The following DIP2C variants were observed in gnomAD, a reference collection of about 807,000 sequenced individuals.
DIP2C encodes DIP2 acetate--CoA ligase C (putative), also known as disco-interacting protein 2 homolog C.
A neutral mutation model predicts 192.4 loss-of-function variants in DIP2C; 33 were observed. That is an observed-to-expected ratio of 0.17 (90% CI 0.13 to 0.23). The LOEUF is 0.23. Ranked by LOEUF, DIP2C falls within the 10% of genes least tolerant of loss-of-function variation. DIP2C has a pLI of 1.00. For synonymous variants in DIP2C, 979 were observed against 864.1 expected, an observed-to-expected ratio of 1.13 and a Z score of -2.33; for missense variants, 1,537 against 2,110.1, an observed-to-expected ratio of 0.73 and a Z score of 5.32.
Position 499,201 on chromosome 10 carries a change from TG to T in DIP2C, c.86-12672del, listed in dbSNP as rs562726216. On this transcript the variant is annotated intron_variant, in intron 1 of 36. Transcript: ENST00000280886. ...TGACTCCTTGTCAGCATTGCAGCCCTGACCCCTCAATGGCTACACAGCTGAG... is the reference window on the plus strand; with the variant it reads ...TGACTCCTTGTCAGCATTGCAGCCCTACCCCTCAATGGCTACACAGCTGAG... Among the ~76,000 whole-genome samples, 255 of 152,320 alleles carry T rather than the reference TG, an allele frequency of 1.7e-3. 1 individual carries two copies. The highest frequency in any genetic ancestry group is 5.6e-3 in the African/African-American group (232 of 41,570).
chr10:619,533 GCCCGCCCGCCCT>G (rs1853716036), intron 1 of DIP2C, among the ~76,000 whole-genome samples: 21 of 38,768 alleles, frequency 5.4e-4, no homozygotes, highest in African/African-American at 1.7e-3. Flanking sequence ...GACCAAGCCC[GCCCGCCCGCCCT>G]CCCACCCAGC....
intron 1 of DIP2C, among the ~76,000 whole-genome samples, chr10:616,864 T>C (rs1853504644): frequency 1.3e-5 from 2 of 152,100 alleles, no homozygotes; most frequent in Non-Finnish European, 2.9e-5. Context: ...CCTCTACTCA[T>C]TTGCAGGCTC....
intron 32 of DIP2C, among the ~76,000 whole-genome samples, chr10:290,779 A>G (rs1764389017): frequency 6.6e-6 from 1 of 152,196 alleles, no homozygotes; most frequent in Non-Finnish European, 1.5e-5. Flanking sequence ...CCAGCCAAGG[A>G]GTGAAACTCA....
chr10:471,462 G>A (rs1364233658), intron 3 of DIP2C, among the ~76,000 whole-genome samples: 4 of 152,146 alleles, frequency 2.6e-5, no homozygotes, highest in Admixed American at 6.5e-5. Context: ...GGTGAGTTCC[G>A]TCATCCCTTA....
chr10:436,014 ACT>A (rs1015117506), intron 4 of DIP2C, among the ~76,000 whole-genome samples: 1 of 152,122 alleles, frequency 6.6e-6, no homozygotes, highest in Non-Finnish European at 1.5e-5. Flanking sequence ...TATACTTTTA[ACT>A]CAAAATGCTC....
At chr10:483,804 T>TAAA (rs1843797894) in intron 2 of DIP2C, among the ~76,000 whole-genome samples, 2 of 152,056 alleles carry the variant, frequency 1.3e-5, no homozygotes, top group South Asian at 4.1e-4. Context: ...AGTTTGCCTC[T>TAAA]ATGACTTCAT....
intron 3 of DIP2C, among the ~76,000 whole-genome samples, chr10:471,315 C>T (rs891696440): frequency 2.0e-5 from 3 of 152,220 alleles, no homozygotes; most frequent in East Asian, 1.9e-4. Context: ...GCCAGGCAGA[C>T]GGCAACTGAG....
chr10:413,724 A>C (rs1965337752), intron 8 of DIP2C, among the ~76,000 whole-genome samples, 189 bp downstream of exon 8: 1 of 152,130 alleles, frequency 6.6e-6, no homozygotes, highest in Admixed American at 6.5e-5. Flanking sequence ...GGATTACCTT[A>C]AGTGAGGATT....
chr10:591,726 G>C (rs1449887124), intron 1 of DIP2C, among the ~76,000 whole-genome samples: 1 of 152,088 alleles, frequency 6.6e-6, no homozygotes, highest in Non-Finnish European at 1.5e-5. Context: ...GAACCACCAA[G>C]GTAACCGAGA....
intron 1 of DIP2C, among the ~76,000 whole-genome samples, chr10:603,230 C>T (rs1275515166): frequency 1.7e-5 from 2 of 120,878 alleles, no homozygotes; most frequent in African/African-American, 3.0e-5. Flanking sequence ...CACAGGGGGG[C>T]GGGGGTTGCA....
At chr10:524,991 A>G (rs1588387262) in intron 1 of DIP2C, among the ~76,000 whole-genome samples, 1 of 151,456 alleles carries the variant, frequency 6.6e-6, no homozygotes, top group South Asian at 2.1e-4. Context: ...AAAGAATCAC[A>G]TTTTCAAGGT....
intron 17 of DIP2C, among the ~76,000 whole-genome samples, chr10:372,856 C>T (rs1961155145): frequency 6.6e-6 from 1 of 151,296 alleles, no homozygotes; most frequent in Admixed American, 6.6e-5. Context: ...CACAGCCCCA[C>T]CTCCCCACAG....
At chr10:317,614 G>A (rs1240429328) in intron 31 of DIP2C, among the ~76,000 whole-genome samples, 1 of 152,306 alleles carries the variant, frequency 6.6e-6, no homozygotes, top group East Asian at 1.9e-4. Flanking sequence ...CATGTTCTGT[G>A]ACTGCGATAG....
At chr10:483,695 G>C (rs1031831688) in intron 2 of DIP2C, among the ~76,000 whole-genome samples, 2 of 152,238 alleles carry the variant, frequency 1.3e-5, no homozygotes, top group Admixed American at 6.5e-5. Flanking sequence ...AGCCCAGAGA[G>C]GGCTCCTGAG....
rs1831464477 is a variant in DIP2C, at chr10:689,445, G to C, written c.85+49C>G. The C allele has an allele frequency of 9.5e-7, 1 of 1,050,060 alleles. No individual in the cohort carries two copies. Among genetic ancestry groups the C allele is most frequent in the Non-Finnish European group, 1.2e-6 (1 of 868,144 alleles). The allele number at this position is 1,050,060 out of a possible 1,614,324, so 65.0% of individuals were successfully genotyped here. A position where few individuals can be genotyped will look rare whatever the true frequency, so the allele number is the denominator to read the frequency against. ...CCGCGCCCCCAGCCCTCCGCGCGCG[G>C]CCCTCCCCGGTGACAGCGCGGCCCG... On this transcript the variant is annotated intron_variant, in intron 1 of 36. Coordinates refer to ENST00000280886, the MANE Select transcript of DIP2C (RefSeq NM_014974.3). The surrounding 1 kb of genome is among the most constrained non-coding windows in gnomAD (Gnocchi z 6.1).
intron 32 of DIP2C, among the ~76,000 whole-genome samples, chr10:293,590 C>CT (rs1678078266): frequency 6.6e-6 from 1 of 152,180 alleles, no homozygotes; most frequent in African/African-American, 2.4e-5. Context: ...GATGCTGTGA[C>CT]TGAGTCTAGT....
At position 337,052 on chromosome 10, in the gene DIP2C, G is replaced by A. The variant is rs1409758972; in HGVS notation, c.3584+4147C>T. On this transcript the variant is annotated intron_variant, in intron 29 of 36. Transcript: ENST00000280886. ...GTGTGTTGTGGAGGCCTAGACTGGT[G>A]TGTGTGTGTGTGTGTGTGTGTTGTG... Among the ~76,000 whole-genome samples, 12 of 123,932 alleles carry A rather than the reference G, an allele frequency of 9.7e-5. 1 individual carries two copies. The highest frequency in any genetic ancestry group is 2.4e-4 in the African/African-American group (7 of 29,032). The allele number at this position is 123,932 out of a possible 152,430, so 81.3% of individuals were successfully genotyped here.
At chr10:496,293 A>C (rs1455784239) in intron 1 of DIP2C, among the ~76,000 whole-genome samples, 1 of 150,706 alleles carries the variant, frequency 6.6e-6, no homozygotes, top group Non-Finnish European at 1.5e-5. Flanking sequence ...CATTACTCTT[A>C]ATACCCCAAA....
chr10:481,411 C>T (rs1039604531), intron 2 of DIP2C, among the ~76,000 whole-genome samples: 7 of 152,184 alleles, frequency 4.6e-5, no homozygotes, highest in African/African-American at 1.7e-4. Context: ...CTCTCCGTGG[C>T]GACAGGGCAA....
Sources: allele counts gnomAD v4.1 joint callset (sites outside exome capture counted in the v4.1 genomes callset), GRCh38; gene constraint gnomAD v4.1.1; non-coding constraint Gnocchi (gnomAD v3.1); transcripts MANE v1.5; gene names NCBI Gene and HGNC (gene_info 2026-07-23, HGNC 2026-07-21).